Variants in EBF1 observed in about 807,000 individuals in gnomAD.
EBF1 encodes EBF transcription factor 1.
In EBF1, 10 loss-of-function variants were observed where a neutral mutation model predicts 68.4. The ratio of observed to expected loss-of-function variants is 0.15; its 90% CI spans 0.09 to 0.25. The LOEUF is 0.25. Ranked by LOEUF, EBF1 falls within the 10% of genes least tolerant of loss-of-function variation. The pLI, the probability that EBF1 is intolerant of heterozygous loss-of-function variation, is 1.00. For synonymous variants in EBF1, 298 were observed against 299.8 expected (o/e 0.99, Z 0.06); for missense variants, 509 against 794.4 (o/e 0.64, Z 4.32).
intron 9 of EBF1, among the ~76,000 whole-genome samples, chr5:158,795,293 A>G (rs1306656031): frequency 6.6e-6 from 1 of 152,168 alleles, no homozygotes; most frequent in Non-Finnish European, 1.5e-5. Flanking sequence ...CTTACATTCT[A>G]TAGGCTTTGG....
intron 6 of EBF1, among the ~76,000 whole-genome samples, chr5:159,005,576 A>C (rs1159551277): frequency 1.3e-5 from 2 of 152,144 alleles, no homozygotes; most frequent in Non-Finnish European, 2.9e-5. Context: ...TTTCCTGTAC[A>C]TTTATTATAG....
chr5:158,942,451 C>A (rs557725576), intron 6 of EBF1, among the ~76,000 whole-genome samples: 2 of 152,160 alleles, frequency 1.3e-5, no homozygotes, highest in South Asian at 4.1e-4. Flanking sequence ...TAGCTGGAAC[C>A]CCATAGGAAA....
At chr5:158,876,968 G>T (rs1797933285) in intron 6 of EBF1, among the ~76,000 whole-genome samples, 1 of 152,098 alleles carries the variant, frequency 6.6e-6, no homozygotes, top group Admixed American at 6.5e-5. Context: ...TCTTTTAGGT[G>T]CTCCAAAATA....
intron 8 of EBF1, among the ~76,000 whole-genome samples, chr5:158,799,701 C>G (rs541458929): frequency 2.7e-4 from 41 of 152,240 alleles, no homozygotes; most frequent in African/African-American, 9.9e-4. Context: ...TGTAATGCAA[C>G]GGGAAGGTGC....
chr5:159,083,091 G>T (rs941547715), intron 5 of EBF1, among the ~76,000 whole-genome samples: 1 of 152,166 alleles, frequency 6.6e-6, no homozygotes, highest in Non-Finnish European at 1.5e-5. Flanking sequence ...ATGATATATA[G>T]ATGTTATTTG....
rs371392810 is a variant in EBF1 at position 158,916,705 on chromosome 5, G to T, written c.555-76595C>A. On this transcript the variant is annotated intron_variant, in intron 6 of 15. Transcript: ENST00000313708. ...ATATGTACTCTGGGCTGACTTCCAT[G>T]TTATAACTGTGTGCTTCAATGCTGG... Among the ~76,000 whole-genome samples the T allele has an allele frequency of 5.8e-4, 88 of 152,292 alleles. 2 individuals are homozygous for T. In the South Asian group the frequency reaches 0.016, roughly 28 times the overall value.
intron 9 of EBF1, among the ~76,000 whole-genome samples, chr5:158,792,946 A>G (rs945845597): frequency 3.9e-5 from 6 of 152,132 alleles, no homozygotes; most frequent in Admixed American, 6.5e-5. Context: ...CCAGCACAAG[A>G]CATCATGGCA....
At chr5:158,783,766 G>C (rs962026216) in intron 9 of EBF1, among the ~76,000 whole-genome samples, 4 of 152,206 alleles carry the variant, frequency 2.6e-5, no homozygotes, top group African/African-American at 9.6e-5. Context: ...GAAGGTGGTT[G>C]AATGGGGCCT....
intron 6 of EBF1, among the ~76,000 whole-genome samples, chr5:158,920,128 CA>C (rs1456311675): frequency 1.3e-5 from 2 of 151,736 alleles, no homozygotes; most frequent in Non-Finnish European, 2.9e-5. Flanking sequence ...AGATGTATTC[CA>C]AAAAAGGTGC....
chr5:158,974,383 T>C (rs1756286849), intron 6 of EBF1, among the ~76,000 whole-genome samples: 1 of 152,232 alleles, frequency 6.6e-6, no homozygotes, highest in Non-Finnish European at 1.5e-5. Context: ...AGTTGCCACT[T>C]GAGAGGCATT....
In EBF1 at chr5:158,999,600, A is replaced by G. The variant is rs372450978; in HGVS notation, c.554+73796T>C. Reference sequence around the variant, plus strand: ...AAGTTTTCAGGATTATAAACAGAGAACTGATCAGTGTGTTCCAATGTTGAC... The same window carrying G: ...AAGTTTTCAGGATTATAAACAGAGAGCTGATCAGTGTGTTCCAATGTTGAC... On this transcript the variant is annotated intron_variant, in intron 6 of 15. Transcript: ENST00000313708. 2.6e-5 allele frequency among the ~76,000 whole-genome samples: 4 copies of G among 152,336 alleles called. No homozygotes were observed. In the South Asian group the frequency reaches 6.2e-4, roughly 24 times the overall value.
chr5:158,844,818 A>G (rs1317216555), intron 6 of EBF1, among the ~76,000 whole-genome samples: 1 of 152,224 alleles, frequency 6.6e-6, no homozygotes, highest in Non-Finnish European at 1.5e-5. Context: ...CAATCAGGCC[A>G]GTGTAGGACA....
chr5:158,767,580 T>C (rs1343531694), intron 10 of EBF1, among the ~76,000 whole-genome samples: 1 of 149,234 alleles, frequency 6.7e-6, no homozygotes, highest in Non-Finnish European at 1.5e-5. Context: ...AATAGGCTAA[T>C]AATAGGGCTT....
chr5:158,914,425 G>T (rs560487056), intron 6 of EBF1, among the ~76,000 whole-genome samples: 100 of 152,182 alleles, frequency 6.6e-4, no homozygotes, highest in Non-Finnish European at 1.2e-3. Flanking sequence ...CCGCACGAGG[G>T]GGGTAACCAG....
At position 158,793,194 on chromosome 5, in the gene EBF1, A is replaced by G. The variant is rs143293214; in HGVS notation, c.909+3151T>C. 5.6e-4 allele frequency among the ~76,000 whole-genome samples: 86 copies of G among 152,318 alleles called. 1 individual carries two copies. Among genetic ancestry groups the G allele is most frequent in the African/African-American group, 1.9e-3 (80 of 41,576 alleles). On this transcript the variant is annotated intron_variant, in intron 9 of 15. Coordinates refer to ENST00000313708, the MANE Select transcript of EBF1 (RefSeq NM_024007.5). ...GTGAGAATCCCACAAGAGCACTACC[A>G]AACATTTATCATATTGCCTGGCAGG...
chr5:158,829,415 G>C (rs1197011491), intron 7 of EBF1, among the ~76,000 whole-genome samples: 1 of 151,346 alleles, frequency 6.6e-6, no homozygotes, highest in Non-Finnish European at 1.5e-5. Flanking sequence ...AAACTCCTGG[G>C]CTCATGTGAT....
chr5:158,868,632 G>A (rs894385804), intron 6 of EBF1, among the ~76,000 whole-genome samples: 1 of 152,164 alleles, frequency 6.6e-6, no homozygotes, highest in Admixed American at 6.5e-5. Context: ...TTCAAAGTAC[G>A]GTCTGGAGTC....
At chr5:158,828,261 G>T (rs1786655822) in intron 7 of EBF1, among the ~76,000 whole-genome samples, 1 of 152,168 alleles carries the variant, frequency 6.6e-6, no homozygotes, top group African/African-American at 2.4e-5. Context: ...GATACATACT[G>T]CATGTTAAGG....
Position 159,058,854 on chromosome 5 carries a change from C to T in EBF1, c.554+14542G>A, listed in dbSNP as rs563497206. Among the ~76,000 whole-genome samples the T allele has an allele frequency of 2.8e-3, 425 of 152,306 alleles. 1 individual carries two copies. The highest frequency in any genetic ancestry group is 9.9e-3 in the African/African-American group (410 of 41,550). ...TACCAACAGATTCCATAAGGCCATT[C>T]ATGTCAAACACCCTCCAAACAGTTC... On this transcript the variant is annotated intron_variant, in intron 6 of 15. Coordinates refer to ENST00000313708, the MANE Select transcript of EBF1 (RefSeq NM_024007.5).
Sources: gnomAD v4.1 joint callset for allele counts (sites outside exome capture counted in the v4.1 genomes callset) on GRCh38, gnomAD v4.1.1 for gene constraint, MANE v1.5 for transcripts, NCBI Gene and HGNC (gene_info 2026-07-23, HGNC 2026-07-21) for gene names.